ADGRG6: variants seen among roughly 807,000 people sequenced by gnomAD.
The protein encoded by ADGRG6 is adhesion G protein-coupled receptor G6.
ADGRG6 carries 84 observed loss-of-function variants against 142.4 expected under a neutral mutation model. The ratio of observed to expected loss-of-function variants is 0.59; its 90% CI spans 0.49 to 0.71. ADGRG6 has a LOEUF of 0.71. Ranked by LOEUF, ADGRG6 falls within the 30% of genes least tolerant of loss-of-function variation. The probability of loss-of-function intolerance (pLI) is 0.00; values close to 1 mark genes in which losing one functional copy is unlikely to be tolerated. For synonymous variants in ADGRG6, 521 were observed against 520.5 expected, an observed-to-expected ratio of 1.00 and a Z score of -0.01; for missense variants, 1,367 against 1,466.6, an observed-to-expected ratio of 0.93 and a Z score of 1.11.
chr6:142,355,478 A>G lies in ADGRG6; in HGVS notation c.104-12091A>G, dbSNP rs571638640. Among the ~76,000 whole-genome samples the G allele has an allele frequency of 1.8e-4, 27 of 152,286 alleles. No homozygotes were observed. In the East Asian group the frequency reaches 5.0e-3, roughly 28 times the overall value. On this transcript the variant is annotated intron_variant, in intron 2 of 24. Coordinates refer to ENST00000367609, the MANE Select transcript of ADGRG6 (RefSeq NM_198569.3). ...CTCTTTCTCTCAAATACCACTACAA[A>G]GCTAAATGGTAATCAAGAGCATAGA...
In ADGRG6 at chr6:142,383,989, T is replaced by G. The variant is rs1448516749; in HGVS notation, c.1222+146T>G. The G allele has an allele frequency of 6.8e-6, 4 of 592,306 alleles. No homozygotes were observed. In the African/African-American group the frequency reaches 7.5e-5, roughly 11 times the overall value. 36.7% of individuals were successfully genotyped at this position (592,306 alleles called of 1,614,324 possible). On this transcript the variant is annotated intron_variant, in intron 6 of 24. Transcript: ENST00000367609. ...AGGTTTACAAGATTAGTAAAATTAA[T>G]AAAGATCACTTAACTCTGTTGAGTT...
chr6:142,350,680 C>T (rs1780129695), intron 2 of ADGRG6, among the ~76,000 whole-genome samples: 1 of 152,112 alleles, frequency 6.6e-6, no homozygotes, highest in Non-Finnish European at 1.5e-5. Flanking sequence ...ATCTCATCCT[C>T]AAGTGGAATT....
At chr6:142,374,185 A>T (rs1294590493) in intron 4 of ADGRG6, among the ~76,000 whole-genome samples, 6 of 152,052 alleles carry the variant, frequency 3.9e-5, no homozygotes, top group Non-Finnish European at 8.8e-5. Context: ...CCCTGAAACT[A>T]GTCTAAAGAA....
At chr6:142,441,723 TTAATATA>T (rs1777764255) in intron 24 of ADGRG6, among the ~76,000 whole-genome samples, 1 of 152,192 alleles carries the variant, frequency 6.6e-6, no homozygotes, top group African/African-American at 2.4e-5. Flanking sequence ...TTATTCATTA[TTAATATA>T]TAAGTCAATA....
chr6:142,306,603 G>A (rs1018410850), intron 1 of ADGRG6, among the ~76,000 whole-genome samples: 4 of 152,140 alleles, frequency 2.6e-5, no homozygotes, highest in South Asian at 2.1e-4. Flanking sequence ...GTCTATGACT[G>A]TCTTTTACTT....
intron 2 of ADGRG6, among the ~76,000 whole-genome samples, chr6:142,322,036 A>G (rs1169852102): frequency 6.6e-6 from 1 of 152,124 alleles, no homozygotes; most frequent in Non-Finnish European, 1.5e-5. Flanking sequence ...CAGCAGGAAA[A>G]GAATATTCAA....
intron 9 of ADGRG6, among the ~76,000 whole-genome samples, chr6:142,394,340 A>C (rs944837275): frequency 1.3e-5 from 2 of 152,144 alleles, no homozygotes; most frequent in Non-Finnish European, 2.9e-5. Context: ...AGATGCCTAA[A>C]TGTTTTCAGC....
chr6:142,393,700 G>T (rs890467234), intron 8 of ADGRG6, among the ~76,000 whole-genome samples, 196 bp from the exon 9 acceptor site: 1 of 152,060 alleles, frequency 6.6e-6, no homozygotes, highest in Non-Finnish European at 1.5e-5. Flanking sequence ...GTAATAATAT[G>T]AATTGTGAAT....
At chr6:142,349,241 C>G (rs1221930359) in intron 2 of ADGRG6, among the ~76,000 whole-genome samples, 1 of 152,192 alleles carries the variant, frequency 6.6e-6, no homozygotes, top group Non-Finnish European at 1.5e-5. Context: ...ACACCAGACT[C>G]TGAGATAGAG....
At chr6:142,387,915 G>C (rs1562358040) in intron 6 of ADGRG6, among the ~76,000 whole-genome samples, 3 of 152,180 alleles carry the variant, frequency 2.0e-5, no homozygotes. Context: ...TTTGGGCCTA[G>C]ATGTCATTAT....
At chr6:142,427,775 A>G (rs1411926123) in intron 22 of ADGRG6, among the ~76,000 whole-genome samples, 2 of 152,178 alleles carry the variant, frequency 1.3e-5, no homozygotes, top group Non-Finnish European at 1.5e-5. Flanking sequence ...GGAGGAAATG[A>G]CATCTTATGT....
At chr6:142,391,514 G>A (rs1429877284) in intron 7 of ADGRG6, among the ~76,000 whole-genome samples, 1 of 148,476 alleles carries the variant, frequency 6.7e-6, no homozygotes, top group Non-Finnish European at 1.5e-5. Flanking sequence ...ATAACTGATA[G>A]AAAACAGTCT....
chr6:142,317,731 A>G (rs1306590291), intron 2 of ADGRG6, among the ~76,000 whole-genome samples: 1 of 111,996 alleles, frequency 8.9e-6, no homozygotes, highest in African/African-American at 3.5e-5. Flanking sequence ...ATATATTAAT[A>G]TATATTTATA....
intron 4 of ADGRG6, among the ~76,000 whole-genome samples, chr6:142,378,926 C>T (rs1274533745): frequency 4.6e-5 from 7 of 152,178 alleles, no homozygotes; most frequent in Non-Finnish European, 1.0e-4. Context: ...AAGTCTATAG[C>T]TCTTTTTCTT....
chr6:142,379,627 C>T (rs1359271870), intron 4 of ADGRG6, among the ~76,000 whole-genome samples: 3 of 151,952 alleles, frequency 2.0e-5, no homozygotes, highest in Non-Finnish European at 1.5e-5. Context: ...ATTAGCCTGG[C>T]GTGGTGACGG....
chr6:142,403,698 C>T, intron 13 of ADGRG6, 104 bp from the exon 14 acceptor site: 1 of 691,248 alleles, frequency 1.4e-6, no homozygotes, highest in Admixed American at 3.6e-5. Flanking sequence ...AAAATCTAAA[C>T]ACAATTTTAT....
intron 2 of ADGRG6, among the ~76,000 whole-genome samples, chr6:142,350,701 T>G (rs1207972475): frequency 6.6e-6 from 1 of 152,118 alleles, no homozygotes; most frequent in African/African-American, 2.4e-5. Context: ...CAGTTTAACT[T>G]TTATCATGAT....
chr6:142,355,232 G>A (rs545452234), intron 2 of ADGRG6, among the ~76,000 whole-genome samples: 147 of 151,354 alleles, frequency 9.7e-4, no homozygotes, highest in African/African-American at 3.3e-3. Flanking sequence ...CAATTTTTCC[G>A]TAAGATGGAC....
intron 22 of ADGRG6, among the ~76,000 whole-genome samples, chr6:142,427,634 G>A (rs1042497935): frequency 6.6e-6 from 1 of 152,062 alleles, no homozygotes; most frequent in Non-Finnish European, 1.5e-5. Context: ...CCAATTTACT[G>A]TATTAGTCTG....
Sources: allele counts gnomAD v4.1 joint callset (sites outside exome capture counted in the v4.1 genomes callset), GRCh38; gene constraint gnomAD v4.1.1; transcripts MANE v1.5; gene names NCBI Gene and HGNC (gene_info 2026-07-23, HGNC 2026-07-21).